VGLL4: variants seen among roughly 807,000 people sequenced by gnomAD.
The protein encoded by VGLL4 is vestigial like family member 4, also known as transcription cofactor vestigial-like protein 4.
In VGLL4, 7 loss-of-function variants were observed where a neutral mutation model predicts 21.0. The ratio of observed to expected loss-of-function variants is 0.33; its 90% CI spans 0.19 to 0.63. The LOEUF (loss-of-function observed/expected upper bound fraction) is 0.63. Ranked by LOEUF, VGLL4 falls within the 20% of genes least tolerant of loss-of-function variation. VGLL4 has a pLI of 0.78. For missense variants in VGLL4, 394 were observed against 425.7 expected, an observed-to-expected ratio of 0.93 and a Z score of 0.66; for synonymous variants, 222 against 173.2, an observed-to-expected ratio of 1.28 and a Z score of -2.21.
In VGLL4 at chr3:11,565,704, A is replaced by G. The variant is rs1398734327; in HGVS notation, c.273-685T>C. Among the ~76,000 whole-genome samples the G allele has an allele frequency of 6.6e-6, 1 of 152,230 alleles. No individual in the cohort carries two copies. The highest frequency in any genetic ancestry group is 2.4e-5 in the African/African-American group (1 of 41,466). On this transcript the variant is annotated intron_variant, in intron 2 of 4. Transcript: ENST00000430365. This position sits in a 1 kb window ranked among gnomAD's most constrained non-coding sequence, Gnocchi z 4.1. Reference sequence around the variant, plus strand: ...GTGACCTGCGTCCAGAAGGTCCATCACTAGCCCTGGCCATGTGCTGAGCAC... The same window carrying G: ...GTGACCTGCGTCCAGAAGGTCCATCGCTAGCCCTGGCCATGTGCTGAGCAC...
chr3:11,656,706 T>C (rs2075964161), intron 2 of VGLL4, among the ~76,000 whole-genome samples: 1 of 152,142 alleles, frequency 6.6e-6, no homozygotes, highest in Non-Finnish European at 1.5e-5. Flanking sequence ...GCAAGCCAGG[T>C]AAGCACTGGG....
chr3:11,687,978 C>G (rs1056213436), intron 2 of VGLL4, among the ~76,000 whole-genome samples: 1 of 152,060 alleles, frequency 6.6e-6, no homozygotes, highest in Non-Finnish European at 1.5e-5. Context: ...TGATTTACAT[C>G]TTATTGTTTT....
chr3:11,714,379 C>T (rs1212671711), intron 1 of VGLL4, among the ~76,000 whole-genome samples: 1 of 152,100 alleles, frequency 6.6e-6, no homozygotes, highest in Admixed American at 6.5e-5. Flanking sequence ...CAACATTTTT[C>T]AACACTGTTG....
intron 3 of VGLL4, among the ~76,000 whole-genome samples, chr3:11,562,582 C>T (rs954137709): frequency 4.3e-4 from 66 of 152,368 alleles, no homozygotes; most frequent in African/African-American, 1.5e-3. Flanking sequence ...GCACAGGCAA[C>T]GTGGCTGCTT....
rs73814927 is a variant in VGLL4 at position 11,612,359 on chromosome 3, G to C, written c.83-10337C>G. Among the ~76,000 whole-genome samples, 585 of 152,272 alleles carry C rather than the reference G, an allele frequency of 3.8e-3. 2 individuals are homozygous for C. The highest frequency in any genetic ancestry group is 0.013 in the African/African-American group (538 of 41,562). ...AACACTGCAACCTCCGTGGAATTGA[G>C]TAAGTGGGGTCAAACTAATGTCTTA... On this transcript the variant is annotated intron_variant, in intron 1 of 4. Transcript: ENST00000430365.
intron 1 of VGLL4, among the ~76,000 whole-genome samples, chr3:11,609,158 G>A (rs1352622495): frequency 1.3e-5 from 2 of 152,076 alleles, no homozygotes; most frequent in Non-Finnish European, 2.9e-5. Context: ...CTGAGCCACC[G>A]AGCCTGGCCT....
At chr3:11,646,827 G>A (rs115497096), upstream of VGLL4, among the ~76,000 whole-genome samples, 3,734 of 152,194 alleles carry the variant, frequency 0.025, 138 homozygotes, top group African/African-American at 0.083. Context: ...CTTTCCCGCT[G>A]ATCCGGGAGG....
chr3:11,612,838 G>A (rs1022615705), intron 1 of VGLL4, among the ~76,000 whole-genome samples: 1 of 152,238 alleles, frequency 6.6e-6, no homozygotes, highest in African/African-American at 2.4e-5. Flanking sequence ...AACACCAAGT[G>A]CACAGTCCTC....
At chr3:11,679,226 TG>T (rs1395528879) in intron 2 of VGLL4, among the ~76,000 whole-genome samples, 3 of 152,190 alleles carry the variant, frequency 2.0e-5, no homozygotes, top group Admixed American at 6.5e-5. Flanking sequence ...AACAGCTTCA[TG>T]CAGTTACTGC....
At chr3:11,607,962 T>C (rs1480006797) in intron 1 of VGLL4, among the ~76,000 whole-genome samples, 1 of 152,206 alleles carries the variant, frequency 6.6e-6, no homozygotes, top group Admixed American at 6.5e-5. Context: ...TGCAAAGTAC[T>C]GTCACAAAAA....
upstream of VGLL4, among the ~76,000 whole-genome samples, chr3:11,648,512 AAGAC>A (rs1453045759): frequency 6.6e-6 from 1 of 152,242 alleles, no homozygotes; most frequent in Non-Finnish European, 1.5e-5. Context: ...TTTTTAATCA[AAGAC>A]AGAAGCCACC....
chr3:11,592,878 A>G (rs912989392), intron 2 of VGLL4, among the ~76,000 whole-genome samples: 1 of 152,208 alleles, frequency 6.6e-6, no homozygotes, highest in African/African-American at 2.4e-5. Flanking sequence ...GCACAGTGCC[A>G]GCGCACAAGG....
At position 11,559,406 on chromosome 3, in the gene VGLL4, T is replaced by G. The variant is rs1028637875; in HGVS notation, c.545A>C (p.Asn182Thr). The G allele has an allele frequency of 1.3e-6, 2 of 1,562,454 alleles. No individual in the cohort carries two copies. Among genetic ancestry groups the G allele is most frequent in the African/African-American group, 2.7e-5 (2 of 73,762 alleles). The change falls in exon 4 of 5, where the codon AAC (asparagine) becomes ACC (threonine). Residue 182 changes from asparagine to threonine, a missense_variant. Transcript: ENST00000430365. Reference sequence around the variant, plus strand: ...GTGCGCGATGGGGCAGTGCGAGAGGTTGCAGTTGCGGGCGCCAGCCGAGGC... The same window carrying G: ...GTGCGCGATGGGGCAGTGCGAGAGGGTGCAGTTGCGGGCGCCAGCCGAGGC... ...TCASAGARNC[N>T]LSHCPIAHSG...
At chr3:11,584,234 A>G (rs1304650202) in intron 2 of VGLL4, among the ~76,000 whole-genome samples, 3 of 152,254 alleles carry the variant, frequency 2.0e-5, no homozygotes, top group African/African-American at 7.2e-5. Context: ...GAATACTCTA[A>G]TTTACAAAAA....
upstream of VGLL4, chr3:11,721,724 G>C (rs904593062): frequency 6.6e-6 from 1 of 152,144 alleles, no homozygotes; most frequent in Non-Finnish European, 1.5e-5. Context: ...ACAGAAAAAG[G>C]GTTTTAGATT....
At chr3:11,711,414 A>T (rs1186279786) in intron 1 of VGLL4, among the ~76,000 whole-genome samples, 1 of 151,992 alleles carries the variant, frequency 6.6e-6, no homozygotes, top group Non-Finnish European at 1.5e-5. Context: ...AGTACAAAAA[A>T]TTAGCCAGGC....
chr3:11,588,624 C>G (rs1020510917), intron 2 of VGLL4, among the ~76,000 whole-genome samples: 1 of 152,244 alleles, frequency 6.6e-6, no homozygotes, highest in Non-Finnish European at 1.5e-5. Context: ...TAAACTACAG[C>G]CCCAGCCAGG....
chr3:11,587,838 C>A (rs1281585980), intron 2 of VGLL4, among the ~76,000 whole-genome samples: 1 of 143,754 alleles, frequency 7.0e-6, no homozygotes, highest in Non-Finnish European at 1.5e-5. Flanking sequence ...ATTTCATCCA[C>A]ACAAGAAACC....
intron 2 of VGLL4, among the ~76,000 whole-genome samples, chr3:11,694,203 T>C (rs73813010): frequency 0.056 from 8,494 of 152,318 alleles, 277 homozygotes; most frequent in Middle Eastern, 0.092. Flanking sequence ...TTTTTACTTT[T>C]GTTATTTCAT....
Sources: gnomAD v4.1 joint callset for allele counts (sites outside exome capture counted in the v4.1 genomes callset) on GRCh38, gnomAD v4.1.1 for gene constraint, Gnocchi (gnomAD v3.1) non-coding constraint, MANE v1.5 for transcripts, NCBI Gene and HGNC (gene_info 2026-07-23, HGNC 2026-07-21) for gene names.